Variants in TTLL7 observed in about 807,000 individuals in gnomAD.
TTLL7 encodes tubulin tyrosine ligase like 7.
In TTLL7, 53 loss-of-function variants were observed where a neutral mutation model predicts 120.2. That is an observed-to-expected ratio of 0.44 (90% confidence interval 0.35 to 0.55). The LOEUF (loss-of-function observed/expected upper bound fraction) is 0.55, where lower values mean the gene tolerates loss of function less well. Ranked by LOEUF, TTLL7 falls within the 20% of genes least tolerant of loss-of-function variation. The probability of loss-of-function intolerance (pLI) is 0.00; values close to 1 mark genes in which losing one functional copy is unlikely to be tolerated. For synonymous variants in TTLL7, 353 were observed against 351.7 expected, an observed-to-expected ratio of 1.00 and a Z score of -0.04; for missense variants, 803 against 1,054.7, an observed-to-expected ratio of 0.76 and a Z score of 3.31.
intron 17 of TTLL7, among the ~76,000 whole-genome samples, chr1:83,905,650 T>A (rs1347603426): frequency 6.6e-6 from 1 of 151,834 alleles, no homozygotes; most frequent in East Asian, 1.9e-4. Flanking sequence ...GTTCTATTAC[T>A]GAAGGAACGA....
intron 1 of TTLL7, among the ~76,000 whole-genome samples, chr1:83,996,211 G>C (rs778963315): frequency 6.6e-6 from 1 of 152,056 alleles, no homozygotes; most frequent in Non-Finnish European, 1.5e-5. Flanking sequence ...AAATTCCTTT[G>C]GAAGAGGAAA....
intron 1 of TTLL7, among the ~76,000 whole-genome samples, chr1:83,959,901 A>C (rs1649869233): frequency 6.6e-6 from 1 of 152,166 alleles, no homozygotes; most frequent in Non-Finnish European, 1.5e-5. Context: ...ATAAAGTTTA[A>C]AATTATACAA....
intron 18 of TTLL7, among the ~76,000 whole-genome samples, chr1:83,901,817 T>C (rs1656747919): frequency 6.6e-6 from 1 of 151,932 alleles, no homozygotes; most frequent in Non-Finnish European, 1.5e-5. Context: ...CAGCATCAAG[T>C]TTCAGCTTAT....
At chr1:83,943,485 T>C (rs4907190) in intron 6 of TTLL7, among the ~76,000 whole-genome samples, 75,347 of 152,078 alleles carry the variant, frequency 0.5, 19,366 homozygotes, top group Non-Finnish European at 0.57. Context: ...CCAACAATCA[T>C]GCACACACAG....
intron 1 of TTLL7, chr1:83,981,242 A>G (rs1651925969): frequency 6.6e-6 from 1 of 152,178 alleles, no homozygotes; most frequent in South Asian, 2.1e-4. Context: ...CCAACTATAC[A>G]TATCTATAAA....
chr1:83,993,226 A>G (rs1255909865), intron 1 of TTLL7, among the ~76,000 whole-genome samples: 2 of 152,234 alleles, frequency 1.3e-5, no homozygotes, highest in Non-Finnish European at 2.9e-5. Flanking sequence ...ATATCTAAGC[A>G]TCCTGAAAAT....
Position 83,865,325 on chromosome 1 carries a change from T to A in TTLL7, c.*4637A>T, listed in dbSNP as rs1444565271. 1 of 152,098 alleles carries A rather than the reference T, an allele frequency of 6.6e-6. No individual in the cohort carries two copies. Among genetic ancestry groups the A allele is most frequent in the African/African-American group, 2.4e-5 (1 of 41,460 alleles). The allele number at this position is 152,098 out of a possible 1,614,324, so 9.4% of individuals were successfully genotyped here. A position where few individuals can be genotyped will look rare whatever the true frequency, so the allele number is the denominator to read the frequency against. On this transcript the variant is annotated 3_prime_UTR_variant, in exon 21 of 21. Coordinates refer to ENST00000260505, the MANE Select transcript of TTLL7 (RefSeq NM_024686.6). Reference sequence around the variant, plus strand: ...GTTGTAGCATGTACAGTAGTTATTGTATGAACTGAATAGCTCAGGACCAAG... The same window carrying A: ...GTTGTAGCATGTACAGTAGTTATTGAATGAACTGAATAGCTCAGGACCAAG...
intron 1 of TTLL7, chr1:83,981,406 G>C (rs184129443): frequency 6.6e-6 from 1 of 151,396 alleles, no homozygotes; most frequent in Admixed American, 6.6e-5. Context: ...TAGAGCCAAG[G>C]AGGGCTACTG....
rs1275695037 is a variant in TTLL7, at chr1:83,907,533, G to A, written c.1915C>T (p.His639Tyr). The A allele has an allele frequency of 2.5e-6, 4 of 1,613,330 alleles. No individual in the cohort carries two copies. Among genetic ancestry groups the A allele is most frequent in the Non-Finnish European group, 3.4e-6 (4 of 1,179,516 alleles). ...TAGGAGGAAGCACGGTTTAAGGAAT[G>A]TGACCGAGATGCAGAAGTTGGCCGT... ...VSRPTSASRSHSLNRASSYMR... is the reference protein window; with the variant it reads ...VSRPTSASRSYSLNRASSYMR... The change falls in exon 16 of 21, where the codon CAT becomes TAT. Residue 639 changes from histidine to tyrosine, a missense_variant. By Grantham distance (83) the His-to-Tyr change is moderately conservative (BLOSUM62 2). Coordinates refer to ENST00000260505, the MANE Select transcript of TTLL7 (RefSeq NM_024686.6).
At chr1:83,903,953 T>C (rs982564732) in intron 18 of TTLL7, 126 bp downstream of exon 18, 4 of 739,736 alleles carry the variant, frequency 5.4e-6, no homozygotes, top group Non-Finnish European at 9.3e-6. Flanking sequence ...AGATACTTAA[T>C]AAGTGTTTGT....
intron 9 of TTLL7, among the ~76,000 whole-genome samples, chr1:83,929,466 G>C (rs923676305): frequency 6.6e-6 from 1 of 152,034 alleles, no homozygotes; most frequent in Non-Finnish European, 1.5e-5. Flanking sequence ...TAGTTTAGGA[G>C]CTTTACTGTC....
intron 18 of TTLL7, among the ~76,000 whole-genome samples, chr1:83,895,946 T>C (rs993572642): frequency 9.9e-5 from 15 of 152,078 alleles, no homozygotes; most frequent in African/African-American, 3.4e-4. Context: ...ATAGTTTGTT[T>C]AGAAGGCTAT....
chr1:83,877,349 A>G (rs888590530), intron 20 of TTLL7, among the ~76,000 whole-genome samples: 3 of 151,888 alleles, frequency 2.0e-5, no homozygotes, highest in Non-Finnish European at 4.4e-5. Context: ...CTTTGCCATA[A>G]TGTCTTGGTC....
intron 1 of TTLL7, among the ~76,000 whole-genome samples, chr1:83,953,981 T>C (rs1649293051): frequency 6.6e-6 from 1 of 152,188 alleles, no homozygotes; most frequent in African/African-American, 2.4e-5. Flanking sequence ...ACTGGATCAC[T>C]TCTCAGAATA....
intron 18 of TTLL7, among the ~76,000 whole-genome samples, chr1:83,893,269 T>A (rs1655934331): frequency 6.6e-6 from 1 of 151,972 alleles, no homozygotes; most frequent in Admixed American, 6.6e-5. Flanking sequence ...ACCACTGAAA[T>A]CCTAGAGGTC....
intron 1 of TTLL7, among the ~76,000 whole-genome samples, chr1:83,977,881 T>C (rs1235302792): frequency 6.6e-6 from 1 of 152,224 alleles, no homozygotes; most frequent in East Asian, 1.9e-4. Flanking sequence ...ATGTTTTCCT[T>C]ATTTGTTTAA....
At chr1:83,958,232 T>G (rs543282254) in intron 1 of TTLL7, among the ~76,000 whole-genome samples, 2 of 152,304 alleles carry the variant, frequency 1.3e-5, no homozygotes, top group South Asian at 4.1e-4. Flanking sequence ...AGAAAAGAGA[T>G]ATAATGAACA....
At chr1:83,985,488 C>T (rs1315298788) in intron 1 of TTLL7, among the ~76,000 whole-genome samples, 1 of 152,170 alleles carries the variant, frequency 6.6e-6, no homozygotes. Context: ...CTCACAGACA[C>T]CCCTAGAAAT....
chr1:83,929,332 A>G (rs1659393439), intron 9 of TTLL7, 102 bp from the exon 10 acceptor site: 1 of 778,540 alleles, frequency 1.3e-6, no homozygotes, highest in Non-Finnish European at 2.0e-6. Flanking sequence ...ACTCTACATT[A>G]AACCTCAAAG....
Sources: allele counts gnomAD v4.1 joint callset (sites outside exome capture counted in the v4.1 genomes callset), GRCh38; gene constraint gnomAD v4.1.1; transcripts MANE v1.5; gene names NCBI Gene and HGNC (gene_info 2026-07-23, HGNC 2026-07-21).